Variants in LMNA observed in about 807,000 individuals in gnomAD.
LMNA encodes lamin A/C.
LMNA carries 20 observed loss-of-function variants against 70.4 expected under a neutral mutation model. That is an observed-to-expected ratio of 0.28 (90% CI 0.20 to 0.41). The LOEUF (loss-of-function observed/expected upper bound fraction) is 0.41, where lower values mean the gene tolerates loss of function less well. LMNA is among the 10% of genes least tolerant of loss of function. The probability of loss-of-function intolerance (pLI) is 1.00; values close to 1 mark genes in which losing one functional copy is unlikely to be tolerated. For synonymous variants in LMNA, 339 were observed against 372.8 expected, an observed-to-expected ratio of 0.91 and a Z score of 1.04; for missense variants, 652 against 917.2, an observed-to-expected ratio of 0.71 and a Z score of 3.73.
Position 156,139,542 on chromosome 1 carries a change from A to G in LMNA, c.*436A>G. On this transcript the variant is annotated 3_prime_UTR_variant, in exon 12 of 12. Coordinates refer to ENST00000368300, the MANE Select transcript of LMNA (RefSeq NM_170707.4). Reference sequence around the variant, plus strand: ...AGGCAGGCATAGAGGCTTCTCCGCCAGCCTCCTCTGGACGGCAGGCTCACT... The same window carrying G: ...AGGCAGGCATAGAGGCTTCTCCGCCGGCCTCCTCTGGACGGCAGGCTCACT... 1.5e-6 allele frequency: 2 copies of G among 1,372,664 alleles called. No homozygotes were observed. Among genetic ancestry groups the G allele is most frequent in the South Asian group, 3.1e-5 (2 of 64,464 alleles). The allele number at this position is 1,372,664 out of a possible 1,614,324, so 85.0% of individuals were successfully genotyped here.
rs267607607 is a variant in LMNA at position 156,137,002 on chromosome 1, A to C, written c.1462A>C (p.Thr488Pro). ...GACTTACCGGTTCCCACCAAAGTTC[A>C]CCCTGAAGGCTGGGCAGGTGGTGAC... is the stretch of plus-strand genomic sequence containing the variant. The part of the protein sequence containing the change: ...LLTYRFPPKF[T>P]LKAGQVVTIW... Residue 488 changes from threonine (T) to proline (P), a missense_variant, in exon 8 of 12, where the codon ACC (threonine) becomes CCC (proline). Thr to Pro is a conservative substitution (Grantham distance 38, BLOSUM62 -1). Transcript: ENST00000368300. The surrounding 1 kb of genome is among the most constrained non-coding windows in gnomAD (Gnocchi z 4.6). 6.2e-7 allele frequency: 1 copy of C among 1,614,026 alleles called. No homozygotes were observed. The highest frequency in any genetic ancestry group is 8.5e-7 in the Non-Finnish European group (1 of 1,180,020).
intron 1 of LMNA, among the ~76,000 whole-genome samples, chr1:156,120,679 C>T (rs373043778): frequency 1.6e-3 from 244 of 152,268 alleles, no homozygotes; most frequent in African/African-American, 5.7e-3. Flanking sequence ...CACTACTGCA[C>T]TCTAGCCTGG....
chr1:156,087,620 C>T (rs1383314521), intron 2 of LMNA, among the ~76,000 whole-genome samples: 1 of 152,096 alleles, frequency 6.6e-6, no homozygotes, highest in Non-Finnish European at 1.5e-5. Context: ...GTGGCTTGAT[C>T]ATGGCTCACT....
Position 156,139,490 on chromosome 1 carries a change from C to A in LMNA, c.*384C>A. ...TCTGCCCTGGCTGCTGCCCCCACCC[C>A]GGGGACCCTGTGACATGGTGCCTGA... On this transcript the variant is annotated 3_prime_UTR_variant, in exon 12 of 12. Transcript: ENST00000368300. The A allele has an allele frequency of 7.5e-7, 1 of 1,329,006 alleles. No individual in the cohort carries two copies. Among genetic ancestry groups the A allele is most frequent in the Non-Finnish European group, 9.6e-7 (1 of 1,041,458 alleles). 82.3% of individuals were successfully genotyped at this position (1,329,006 alleles called of 1,614,324 possible).
intron 3 of LMNA, among the ~76,000 whole-genome samples, chr1:156,096,555 C>T (rs1045298626): frequency 2.6e-5 from 4 of 152,240 alleles, no homozygotes; most frequent in African/African-American, 7.2e-5. Context: ...GGTTAGGTGC[C>T]GGGTTTTCTG....
intron 3 of LMNA, among the ~76,000 whole-genome samples, chr1:156,091,369 G>A (rs1425862510): frequency 2.0e-5 from 3 of 152,190 alleles, no homozygotes; most frequent in Non-Finnish European, 4.4e-5. Context: ...TTGGGAGGCC[G>A]AGGCGGGCAG....
chr1:156,126,837 A>G, intron 1 of LMNA: 1 of 1,612,042 alleles, frequency 6.2e-7, no homozygotes. Context: ...AACCTGGAGG[A>G]TGCAAGGGAA....
chr1:156,117,228 C>T (rs1649896055), intron 1 of LMNA, among the ~76,000 whole-genome samples: 1 of 151,358 alleles, frequency 6.6e-6, no homozygotes, highest in African/African-American at 2.4e-5. Flanking sequence ...CCATGCCCGG[C>T]CATCAACCTT....
At chr1:156,109,047 C>A (rs977936381) in intron 3 of LMNA, among the ~76,000 whole-genome samples, 2 of 152,200 alleles carry the variant, frequency 1.3e-5, no homozygotes, top group Non-Finnish European at 1.5e-5. Context: ...AATAATTTAA[C>A]CTTTCTGGGC....
chr1:156,083,015 G>A (rs574530810), exon 2 of LMNA: 1 of 152,460 alleles, frequency 6.6e-6, no homozygotes, highest in South Asian at 2.1e-4. Flanking sequence ...CAGCAGCGAT[G>A]GGGGGAGAGC....
At chr1:156,127,093 C>A (rs942222356) in intron 1 of LMNA, 2 of 645,002 alleles carry the variant, frequency 3.1e-6, no homozygotes, top group Non-Finnish European at 5.2e-6. Context: ...GATGCCAACC[C>A]CCAGTGGAGT....
chr1:156,095,655 T>C (rs1473505908), intron 3 of LMNA, among the ~76,000 whole-genome samples: 1 of 152,052 alleles, frequency 6.6e-6, no homozygotes, highest in Non-Finnish European at 1.5e-5. Context: ...CTGCGCCCGG[T>C]GTCCAAGACA....
At chr1:156,119,638 G>T (rs995977790) in intron 1 of LMNA, among the ~76,000 whole-genome samples, 1 of 152,240 alleles carries the variant, frequency 6.6e-6, no homozygotes, top group Non-Finnish European at 1.5e-5. Context: ...GAATGGGAAG[G>T]TTGTAAGCAC....
chr1:156,119,358 C>T (rs1469384718), intron 1 of LMNA, among the ~76,000 whole-genome samples: 4 of 152,148 alleles, frequency 2.6e-5, no homozygotes, highest in South Asian at 4.1e-4. Flanking sequence ...CCTCGTGATC[C>T]GTCCACCTTG....
At chr1:156,130,918 C>T in intron 2 of LMNA, 145 bp downstream of exon 2, 1 of 762,240 alleles carries the variant, frequency 1.3e-6, no homozygotes, top group Non-Finnish European at 2.1e-6. Context: ...TCATTTTACC[C>T]ACTGAGGTCA....
At chr1:156,107,376 C>T (rs189554287) in intron 3 of LMNA, among the ~76,000 whole-genome samples, 1 of 152,328 alleles carries the variant, frequency 6.6e-6, no homozygotes, top group African/African-American at 2.4e-5. Flanking sequence ...GGCAGCGTGG[C>T]ACTGAGCTGC....
chr1:156,138,074 C>A lies in LMNA; in HGVS notation c.1698+331C>A. On this transcript the variant is annotated intron_variant, in intron 10 of 11. Coordinates refer to ENST00000368300, the MANE Select transcript of LMNA (RefSeq NM_170707.4). The surrounding 1 kb of genome is among the most constrained non-coding windows in gnomAD (Gnocchi z 5.5). ...GGGGCATGCCCGCCCTGCCTCTCTCCCCCATTCTTGTTGCATGCATATCCT... is the reference window on the plus strand; with the variant it reads ...GGGGCATGCCCGCCCTGCCTCTCTCACCCATTCTTGTTGCATGCATATCCT... 3.7e-6 allele frequency: 2 copies of A among 541,772 alleles called. No individual in the cohort carries two copies. Among genetic ancestry groups the A allele is most frequent in the Non-Finnish European group, 6.6e-6 (2 of 301,432 alleles). 33.6% of individuals were successfully genotyped at this position (541,772 alleles called of 1,614,324 possible).
intron 1 of LMNA, chr1:156,127,049 C>A: frequency 1.2e-6 from 1 of 862,166 alleles, no homozygotes; most frequent in Admixed American, 2.9e-5. Flanking sequence ...CAACCCAGCA[C>A]GGGGACGGCA....
intron 3 of LMNA, among the ~76,000 whole-genome samples, chr1:156,100,885 T>C (rs1449438256): frequency 1.3e-5 from 2 of 152,086 alleles, no homozygotes; most frequent in African/African-American, 4.8e-5. Context: ...TCACAGACAG[T>C]GTGACAAGGG....
Sources: gnomAD v4.1 joint callset for allele counts (sites outside exome capture counted in the v4.1 genomes callset) on GRCh38, gnomAD v4.1.1 for gene constraint, Gnocchi (gnomAD v3.1) non-coding constraint, MANE v1.5 for transcripts, NCBI Gene and HGNC (gene_info 2026-07-23, HGNC 2026-07-21) for gene names.